Variants in TRDMT1 observed in about 807,000 individuals in gnomAD.
TRDMT1 encodes tRNA (cytosine(38)-C(5))-methyltransferase.
TRDMT1 carries 49 observed loss-of-function variants against 51.2 expected under a neutral mutation model. The ratio of observed to expected loss-of-function variants is 0.96; its 90% CI spans 0.76 to 1.21. The LOEUF (loss-of-function observed/expected upper bound fraction) is 1.21, where lower values mean the gene tolerates loss of function less well. TRDMT1 is among the 50% of genes most tolerant of loss of function. TRDMT1 has a pLI of 0.00. For missense variants in TRDMT1, 534 were observed against 462.3 expected, an observed-to-expected ratio of 1.16 and a Z score of -1.42; for synonymous variants, 187 against 164.6, an observed-to-expected ratio of 1.14 and a Z score of -1.04.
chr10:17,195,309 T>C (rs1416756786), intron 1 of TRDMT1, among the ~76,000 whole-genome samples: 2 of 152,186 alleles, frequency 1.3e-5, no homozygotes, highest in Admixed American at 6.5e-5. Flanking sequence ...TGTAGCAACA[T>C]GGATGCATCT....
Position 17,146,911 on chromosome 10 carries a change from A to G in TRDMT1, c.*2129T>C. On this transcript the variant is annotated 3_prime_UTR_variant, in exon 11 of 11. Transcript: ENST00000377799. ...TTAAGATGTGAGTTTTATGCTTGTTACTGCATATTTTCAATTATGAATTAA... is the reference window on the plus strand; with the variant it reads ...TTAAGATGTGAGTTTTATGCTTGTTGCTGCATATTTTCAATTATGAATTAA... 1.0e-6 allele frequency: 1 copy of G among 985,394 alleles called. No individual in the cohort carries two copies. The allele number at this position is 985,394 out of a possible 1,614,324, so 61.0% of individuals were successfully genotyped here.
chr10:17,170,271 C>G (rs939524000), intron 2 of TRDMT1, among the ~76,000 whole-genome samples: 1 of 151,948 alleles, frequency 6.6e-6, no homozygotes, highest in African/African-American at 2.4e-5. Context: ...TAAATTGAAC[C>G]CTTCACAACT....
intron 1 of TRDMT1, among the ~76,000 whole-genome samples, chr10:17,192,267 G>A (rs1564343592): frequency 6.6e-6 from 1 of 152,196 alleles, no homozygotes. Flanking sequence ...AAAGCCACCT[G>A]TTATTGGGGT....
Position 17,145,685 on chromosome 10 carries a change from T to G in TRDMT1, c.*3355A>C. The G allele has an allele frequency of 1.0e-6, 1 of 985,432 alleles. No individual in the cohort carries two copies. The allele number at this position is 985,432 out of a possible 1,614,324, so 61.0% of individuals were successfully genotyped here. On this transcript the variant is annotated 3_prime_UTR_variant, in exon 11 of 11. Transcript: ENST00000377799. ...CTCTTTGTCTATGTGGGATTAAAAT[T>G]TGGTCCTTATTGTGTTATCTTGGCT...
Position 17,201,474 on chromosome 10 carries a change from C to A in TRDMT1, c.64+97G>T, listed in dbSNP as rs894035750. The A allele has an allele frequency of 8.3e-6, 11 of 1,321,926 alleles. No homozygotes were observed. In the African/African-American group the frequency reaches 1.6e-4, roughly 20 times the overall value. The allele number at this position is 1,321,926 out of a possible 1,614,324, so 81.9% of individuals were successfully genotyped here. A position where few individuals can be genotyped will look rare whatever the true frequency, so the allele number is the denominator to read the frequency against. ...CCCACAGTGTCCGCCCCACAGTGTC[C>A]GCCCCTTGCGTCTCGCCGCTCCGCC... On this transcript the variant is annotated intron_variant, in intron 1 of 10. Transcript: ENST00000377799.
rs12258508 is a variant in TRDMT1 at position 17,147,019 on chromosome 10, A to G, written c.*2021T>C. ...GCTACATTCTGTCTACCAGTTTGTA[A>G]GCAAATGTCTCTACAGACCTTTCAA... On this transcript the variant is annotated 3_prime_UTR_variant, in exon 11 of 11. Coordinates refer to ENST00000377799, the MANE Select transcript of TRDMT1 (RefSeq NM_004412.7). The G allele has an allele frequency of 2.9e-4, 282 of 985,612 alleles. No homozygotes were observed. The African/African-American group carries it at 4.7e-3, about 17-fold the overall frequency. 61.1% of individuals were successfully genotyped at this position (985,612 alleles called of 1,614,324 possible). A position where few individuals can be genotyped will look rare whatever the true frequency, so the allele number is the denominator to read the frequency against.
intron 1 of TRDMT1, among the ~76,000 whole-genome samples, chr10:17,177,726 A>ACG (rs200221982): frequency 0.013 from 1,990 of 151,116 alleles, 19 homozygotes; most frequent in Non-Finnish European, 0.016. Flanking sequence ...ACACACACAC[A>ACG]CACACACACA....
rs1431500543 is a variant in TRDMT1 at position 17,147,921 on chromosome 10, C to T, written c.*1119G>A. 3.3e-6 allele frequency: 3 copies of T among 902,526 alleles called. No homozygotes were observed. The highest frequency in any genetic ancestry group is 5.1e-5 in the South Asian group (1 of 19,564). The allele number at this position is 902,526 out of a possible 1,614,324, so 55.9% of individuals were successfully genotyped here. A position where few individuals can be genotyped will look rare whatever the true frequency, so the allele number is the denominator to read the frequency against. ...TTCCAACAGCAGCTGAACCATTTTA[C>T]GTTCCCACAAGCAATGCACAAACTT... On this transcript the variant is annotated 3_prime_UTR_variant, in exon 11 of 11. Coordinates refer to ENST00000377799, the MANE Select transcript of TRDMT1 (RefSeq NM_004412.7).
chr10:17,201,195 T>G (rs1846108030), intron 1 of TRDMT1: 1 of 204,412 alleles, frequency 4.9e-6, no homozygotes, highest in Non-Finnish European at 9.9e-6. Context: ...CCCCCCAGGA[T>G]GAAGGACCGA....
At chr10:17,149,310 A>T (rs1588695029) in intron 10 of TRDMT1, among the ~76,000 whole-genome samples, 170 bp from the exon 11 acceptor site, 1 of 152,286 alleles carries the variant, frequency 6.6e-6, no homozygotes, top group East Asian at 1.9e-4. Context: ...ATTCTATAAC[A>T]TTATATTGCC....
At chr10:17,195,531 T>C (rs1315825926) in intron 1 of TRDMT1, among the ~76,000 whole-genome samples, 1 of 152,022 alleles carries the variant, frequency 6.6e-6, no homozygotes, top group Non-Finnish European at 1.5e-5. Context: ...GGATCATTGA[T>C]ACCTCACATC....
Position 17,157,601 on chromosome 10 carries a change from G to T in TRDMT1, c.727C>A (p.Gln243Lys). The T allele has an allele frequency of 6.2e-7, 1 of 1,613,872 alleles. No homozygotes were observed. Among genetic ancestry groups the T allele is most frequent in the Middle Eastern group, 1.6e-4 (1 of 6,062 alleles). Residue 243 changes from glutamine to lysine, a missense_variant, in exon 8 of 11, where the codon CAA becomes AAA. Physicochemically the swap from Gln to Lys is moderately conservative, Grantham distance 53 (BLOSUM62 1). Transcript: ENST00000377799. ...ETAEEIHRKN[Q>K]QDSDLSVKML... is the part of the protein sequence containing the mutation. ...TTCACAGAGAGATCACTATCTTGTT[G>T]ATTTTTCCTGTGAATTTCTTCTGCA...
At chr10:17,179,517 TA>T (rs1843017708) in intron 1 of TRDMT1, among the ~76,000 whole-genome samples, 2 of 151,806 alleles carry the variant, frequency 1.3e-5, no homozygotes, top group South Asian at 4.2e-4. Context: ...TATTATAGAT[TA>T]AATAGATAAA....
chr10:17,153,302 G>C, intron 10 of TRDMT1: 1 of 589,738 alleles, frequency 1.7e-6, no homozygotes, highest in South Asian at 2.4e-5. Context: ...ACTGGAGTTA[G>C]AGAGGGGGAG....
chr10:17,168,799 G>C (rs1841569770), intron 3 of TRDMT1, 42 bp downstream of exon 3: 3 of 1,418,196 alleles, frequency 2.1e-6, no homozygotes, highest in Non-Finnish European at 3.0e-6. Context: ...TCAGCAGCAT[G>C]AAAATGGACC....
intron 1 of TRDMT1, among the ~76,000 whole-genome samples, chr10:17,199,820 C>T (rs1845919470): frequency 6.6e-6 from 1 of 152,166 alleles, no homozygotes; most frequent in Non-Finnish European, 1.5e-5. Context: ...AACTTAATAG[C>T]TTGGATTCAC....
intron 1 of TRDMT1, among the ~76,000 whole-genome samples, chr10:17,188,344 T>A (rs1301646296): frequency 6.6e-6 from 1 of 152,214 alleles, no homozygotes; most frequent in Non-Finnish European, 1.5e-5. Context: ...GAAAACCTTT[T>A]ACCAACCCTG....
intron 9 of TRDMT1, among the ~76,000 whole-genome samples, chr10:17,154,184 C>T (rs1331938756): frequency 6.6e-6 from 1 of 152,064 alleles, no homozygotes; most frequent in Non-Finnish European, 1.5e-5. Context: ...TGTGATCTCA[C>T]TTTAAAAGTA....
At chr10:17,198,368 C>T (rs7071826) in intron 1 of TRDMT1, among the ~76,000 whole-genome samples, 122,244 of 152,196 alleles carry the variant, frequency 0.8, 49,428 homozygotes, top group Middle Eastern at 0.88. Context: ...AGCAGCACTA[C>T]TCACAATGGT....
Sources: allele counts gnomAD v4.1 joint callset (sites outside exome capture counted in the v4.1 genomes callset), GRCh38; gene constraint gnomAD v4.1.1; transcripts MANE v1.5; gene names NCBI Gene and HGNC (gene_info 2026-07-23, HGNC 2026-07-21).